Variants in HERC4 observed in about 807,000 individuals in gnomAD.
HERC4 encodes probable E3 ubiquitin-protein ligase HERC4.
A neutral mutation model predicts 124.3 loss-of-function variants in HERC4; 28 were observed. The observed-to-expected ratio is 0.23, with a 90% CI of 0.17 to 0.31. HERC4 has a LOEUF of 0.31. HERC4 is among the 10% of genes least tolerant of loss of function. The pLI is 1.00. For missense variants in HERC4, 713 were observed against 1,229.3 expected (o/e 0.58, Z 6.28); for synonymous variants, 407 against 421.5 (o/e 0.97, Z 0.42).
At chr10:68,027,586 T>A (rs1375469698) in intron 7 of HERC4, among the ~76,000 whole-genome samples, 1 of 152,236 alleles carries the variant, frequency 6.6e-6, no homozygotes, top group Admixed American at 6.5e-5. Flanking sequence ...TTTTATTGCA[T>A]CATGTCACAA....
chr10:68,058,526 C>A (rs2040669094), intron 3 of HERC4, among the ~76,000 whole-genome samples: 1 of 152,142 alleles, frequency 6.6e-6, no homozygotes. Context: ...ATTGGTTTTT[C>A]TTCTAGGCAA....
chr10:67,972,219 G>GAAAAA (rs767498811), intron 15 of HERC4, among the ~76,000 whole-genome samples: 1 of 51,176 alleles, frequency 2.0e-5, no homozygotes, highest in African/African-American at 6.7e-5. Flanking sequence ...TGTCTCAAAG[G>GAAAAA]AAAAAAAAAA....
At chr10:68,007,502 G>C (rs555619369) in intron 9 of HERC4, among the ~76,000 whole-genome samples, 38 of 152,158 alleles carry the variant, frequency 2.5e-4, no homozygotes, top group African/African-American at 8.4e-4. Context: ...TTCCTGGATC[G>C]TCTTGATGCT....
intron 3 of HERC4, among the ~76,000 whole-genome samples, chr10:68,052,239 A>C (rs2040352386): frequency 6.6e-6 from 1 of 152,176 alleles, no homozygotes; most frequent in South Asian, 2.1e-4. Context: ...TACATCTCTA[A>C]TAGGTCCTTG....
At chr10:67,939,684 G>GA in intron 20 of HERC4, 30 bp from the exon 21 acceptor site, 2 of 1,379,444 alleles carry the variant, frequency 1.4e-6, no homozygotes, top group Non-Finnish European at 2.0e-6. Flanking sequence ...TTTCTGAGAG[G>GA]AAAAAATTAT....
At chr10:67,927,108 C>A (rs374651782) in intron 23 of HERC4, among the ~76,000 whole-genome samples, 5 of 152,040 alleles carry the variant, frequency 3.3e-5, no homozygotes, top group Admixed American at 6.6e-5. Flanking sequence ...CTGTTAGTTG[C>A]ACACAAGTTT....
At chr10:68,058,611 C>T (rs181981595) in intron 3 of HERC4, among the ~76,000 whole-genome samples, 66 of 152,068 alleles carry the variant, frequency 4.3e-4, no homozygotes, top group African/African-American at 1.1e-3. Context: ...TTTTTTGAGA[C>T]GAGAGTTTCA....
At chr10:67,981,596 A>G (rs977834788) in intron 15 of HERC4, among the ~76,000 whole-genome samples, 4 of 152,258 alleles carry the variant, frequency 2.6e-5, no homozygotes, top group African/African-American at 9.6e-5. Flanking sequence ...TGTTCTCCTT[A>G]GCACATGGAT....
intron 7 of HERC4, among the ~76,000 whole-genome samples, chr10:68,032,347 A>T (rs1451072441): frequency 4.6e-5 from 7 of 152,238 alleles, no homozygotes; most frequent in Admixed American, 4.6e-4. Context: ...TATGAATAAC[A>T]GAGAAATTCA....
At chr10:68,049,403 T>C (rs2040173657) in intron 3 of HERC4, among the ~76,000 whole-genome samples, 1 of 151,682 alleles carries the variant, frequency 6.6e-6, no homozygotes, top group Non-Finnish European at 1.5e-5. Flanking sequence ...GTGGCTCACA[T>C]CTGTAATCCC....
chr10:68,007,747 G>A (rs2037663059), intron 9 of HERC4: 1 of 151,342 alleles, frequency 6.6e-6, no homozygotes. Flanking sequence ...GGTTGCCCAA[G>A]CTGGAGTGCA....
chr10:67,992,120 T>C, intron 11 of HERC4, 79 bp downstream of exon 11: 2 of 1,402,152 alleles, frequency 1.4e-6, no homozygotes, highest in Non-Finnish European at 2.0e-6. Context: ...TGGTCTCCAA[T>C]TCCTGGGCTC....
intron 3 of HERC4, among the ~76,000 whole-genome samples, chr10:68,049,927 C>A (rs1230752471): frequency 6.6e-6 from 1 of 151,842 alleles, no homozygotes; most frequent in Non-Finnish European, 1.5e-5. Context: ...ACAAACAAGG[C>A]CAGACGCAGT....
At chr10:68,010,561 G>T (rs2037882598) in intron 9 of HERC4, 5 of 1,046,706 alleles carry the variant, frequency 4.8e-6, no homozygotes, top group Non-Finnish European at 7.3e-6. Context: ...ACATTCTCCA[G>T]GTTCTCAATA....
At position 67,990,202 on chromosome 10, in the gene HERC4, A is replaced by G. The variant is rs758518015; in HGVS notation, c.1633+9T>C. 1 of 1,576,470 alleles carries G rather than the reference A, an allele frequency of 6.3e-7. No individual in the cohort carries two copies. Among genetic ancestry groups the G allele is most frequent in the Admixed American group, 1.9e-5 (1 of 52,158 alleles). ...AAGGTTTCAAAAGAAAAAATATTAG[A>G]ATTCTTACCAAGTACTTTCAGTGGT... On this transcript the variant is annotated intron_variant, in intron 14 of 24. Transcript: ENST00000373700.
chr10:67,957,214 G>C (rs1056267916), intron 16 of HERC4, among the ~76,000 whole-genome samples: 1 of 152,158 alleles, frequency 6.6e-6, no homozygotes, highest in Non-Finnish European at 1.5e-5. Context: ...ATCATATACT[G>C]CAAGTATCTT....
chr10:68,015,975 C>T (rs1564550001), intron 8 of HERC4, among the ~76,000 whole-genome samples: 1 of 152,132 alleles, frequency 6.6e-6, no homozygotes, highest in East Asian at 1.9e-4. Flanking sequence ...CGGTGGCATG[C>T]GCCTGTAGTC....
intron 6 of HERC4, among the ~76,000 whole-genome samples, chr10:68,033,325 T>C (rs887954925): frequency 1.3e-5 from 2 of 152,366 alleles, no homozygotes; most frequent in South Asian, 4.1e-4. Context: ...TTTAATTCTT[T>C]CTGAAAGTAT....
rs558271718 is a variant in HERC4, at chr10:68,049,083, G to GTATA, written c.227-4524_227-4521dup. Among the ~76,000 whole-genome samples, 4 of 151,180 alleles carry GTATA rather than the reference G, an allele frequency of 2.6e-5. No individual in the cohort carries two copies. The East Asian group carries it at 5.8e-4, about 22-fold the overall frequency. ...TCTACAGATATACCTCTGTGTATGT[G>GTATA]TATATATATATATTTGCAGCACTAT... On this transcript the variant is annotated intron_variant, in intron 3 of 24. Coordinates refer to ENST00000373700, the MANE Select transcript of HERC4 (RefSeq NM_015601.4).
Sources: gnomAD v4.1 joint callset for allele counts (sites outside exome capture counted in the v4.1 genomes callset) on GRCh38, gnomAD v4.1.1 for gene constraint, MANE v1.5 for transcripts, NCBI Gene and HGNC (gene_info 2026-07-23, HGNC 2026-07-21) for gene names.